ASPH: variants seen among roughly 807,000 people sequenced by gnomAD.
The protein encoded by ASPH is aspartyl/asparaginyl beta-hydroxylase.
A neutral mutation model predicts 118.4 loss-of-function variants in ASPH; 100 were observed. That is an observed-to-expected ratio of 0.84 (90% CI 0.72 to 1.00). The LOEUF is 1.00. ASPH is among the 50% of genes least tolerant of loss of function. ASPH has a pLI of 0.00. For missense variants in ASPH, 920 were observed against 919.5 expected (o/e 1.00, Z -0.01); for synonymous variants, 315 against 325.6 (o/e 0.97, Z 0.35).
chr8:61,553,997 A>C (rs929980509), intron 19 of ASPH, among the ~76,000 whole-genome samples: 1 of 152,198 alleles, frequency 6.6e-6, no homozygotes, highest in Non-Finnish European at 1.5e-5. Flanking sequence ...AGAGGAAGGG[A>C]GCTGTGGCGA....
intron 20 of ASPH, among the ~76,000 whole-genome samples, chr8:61,550,703 T>C (rs1437257764): frequency 6.6e-6 from 1 of 152,214 alleles, no homozygotes; most frequent in African/African-American, 2.4e-5. Flanking sequence ...GCAAACAGAA[T>C]GTTATGTTAT....
chr8:61,622,925 G>A (rs1851499239), intron 13 of ASPH, among the ~76,000 whole-genome samples: 1 of 152,166 alleles, frequency 6.6e-6, no homozygotes, highest in Non-Finnish European at 1.5e-5. Flanking sequence ...TTCTGGACAT[G>A]CTGGGGCTAA....
In ASPH at chr8:61,695,666, T is replaced by G. The variant is rs28460340; in HGVS notation, c.104-11478A>C. On this transcript the variant is annotated intron_variant, in intron 1 of 24. Coordinates refer to ENST00000379454, the MANE Select transcript of ASPH (RefSeq NM_004318.4). ...AGACAACTATACAACAACTGATTTC[T>G]TAATCTCTTTCCACCTCCAGAATGT... 5.5e-3 allele frequency among the ~76,000 whole-genome samples: 837 copies of G among 152,356 alleles called. 9 individuals carry two copies. The highest frequency in any genetic ancestry group is 0.019 in the African/African-American group (786 of 41,578).
chr8:61,714,232 G>A, intron 1 of ASPH, 37 bp downstream of exon 1: 1 of 1,443,676 alleles, frequency 6.9e-7, no homozygotes, highest in East Asian at 3.0e-5. Flanking sequence ...CTACCCCGAG[G>A]CGAGGCCCCA....
At chr8:61,704,454 GATAGC>G (rs1836077250) in intron 1 of ASPH, among the ~76,000 whole-genome samples, 1 of 151,628 alleles carries the variant, frequency 6.6e-6, no homozygotes, top group Non-Finnish European at 1.5e-5. Flanking sequence ...AATAAAAGAG[GATAGC>G]TTTGAGACGT....
At chr8:61,567,109 G>T (rs372969328) in intron 17 of ASPH, 59 bp downstream of exon 17, 9 of 1,568,842 alleles carry the variant, frequency 5.7e-6, no homozygotes, top group Non-Finnish European at 7.8e-6. Context: ...ACACTCTTCA[G>T]CTTCTTCAAG....
At chr8:61,506,884 T>A (rs1806792905) in intron 24 of ASPH, among the ~76,000 whole-genome samples, 1 of 152,150 alleles carries the variant, frequency 6.6e-6, no homozygotes. Flanking sequence ...CCAAGGGAGA[T>A]GAGATATAAA....
intron 13 of ASPH, among the ~76,000 whole-genome samples, chr8:61,631,347 G>A (rs188821691): frequency 6.6e-6 from 1 of 152,032 alleles, no homozygotes; most frequent in Non-Finnish European, 1.5e-5. Flanking sequence ...AGTGCTGTAA[G>A]CTCTACTCAT....
intron 3 of ASPH, among the ~76,000 whole-genome samples, chr8:61,670,027 G>A (rs931449737): frequency 3.3e-5 from 5 of 151,940 alleles, no homozygotes; most frequent in African/African-American, 9.7e-5. Context: ...AACTCCAAAG[G>A]ATCATCTTAT....
intron 22 of ASPH, among the ~76,000 whole-genome samples, chr8:61,519,611 T>C (rs973588232): frequency 3.3e-5 from 5 of 152,220 alleles, no homozygotes; most frequent in Non-Finnish European, 7.3e-5. Context: ...CAGCTCACAT[T>C]AAAATAGGGA....
At chr8:61,664,979 A>T in intron 3 of ASPH, 1 of 1,169,012 alleles carries the variant, frequency 8.6e-7, no homozygotes, top group East Asian at 3.9e-5. Context: ...ATCCATAAAA[A>T]TTCATGATAC....
chr8:61,511,901 G>A (rs1179964478), intron 24 of ASPH, among the ~76,000 whole-genome samples: 1 of 152,106 alleles, frequency 6.6e-6, no homozygotes, highest in Non-Finnish European at 1.5e-5. Flanking sequence ...ACCACACCCG[G>A]CTCTAACGAG....
intron 17 of ASPH, among the ~76,000 whole-genome samples, chr8:61,563,473 GAA>G (rs1167568844): frequency 6.6e-6 from 1 of 152,150 alleles, no homozygotes; most frequent in South Asian, 2.1e-4. Flanking sequence ...CATGAATCAT[GAA>G]AAAACCCAGC....
chr8:61,594,902 C>T (rs1241774768), intron 14 of ASPH, among the ~76,000 whole-genome samples: 1 of 152,088 alleles, frequency 6.6e-6, no homozygotes, highest in Non-Finnish European at 1.5e-5. Flanking sequence ...ATTTTTAATC[C>T]TATGTCTGAA....
At chr8:61,622,855 G>A (rs572468425) in intron 13 of ASPH, among the ~76,000 whole-genome samples, 81 of 152,284 alleles carry the variant, frequency 5.3e-4, no homozygotes, top group African/African-American at 1.7e-3. Context: ...ACAGTACTCC[G>A]CAGAGTGGGT....
chr8:61,690,905 G>A (rs181609817), intron 1 of ASPH, among the ~76,000 whole-genome samples: 138 of 152,086 alleles, frequency 9.1e-4, no homozygotes, highest in Middle Eastern at 3.4e-3. Flanking sequence ...AATTAAATCC[G>A]TCTGAGAGTG....
intron 14 of ASPH, among the ~76,000 whole-genome samples, chr8:61,617,620 A>G (rs1165223793): frequency 6.6e-6 from 1 of 152,254 alleles, no homozygotes; most frequent in South Asian, 2.1e-4. Context: ...TTAGAAATGC[A>G]TAACTAAGTA....
intron 1 of ASPH, among the ~76,000 whole-genome samples, chr8:61,695,077 G>A (rs573722297): frequency 1.3e-4 from 20 of 152,304 alleles, no homozygotes; most frequent in African/African-American, 4.8e-4. Context: ...ATTTACCACA[G>A]CATAGTTTTT....
chr8:61,517,750 G>C (rs1811432690), intron 23 of ASPH, 89 bp from the exon 24 acceptor site: 30 of 1,467,980 alleles, frequency 2.0e-5, no homozygotes, highest in Non-Finnish European at 2.6e-5. Flanking sequence ...ATTACTGTCA[G>C]TTTGGATTAG....
Sources: allele counts gnomAD v4.1 joint callset (sites outside exome capture counted in the v4.1 genomes callset), GRCh38; gene constraint gnomAD v4.1.1; transcripts MANE v1.5; gene names NCBI Gene and HGNC (gene_info 2026-07-23, HGNC 2026-07-21).